Variants in RBBP4 observed in about 807,000 individuals in gnomAD.
RBBP4 encodes RB binding protein 4, chromatin remodeling factor, also known as histone-binding protein RBBP4.
RBBP4 carries 3 observed loss-of-function variants against 57.2 expected under a neutral mutation model. That is an observed-to-expected ratio of 0.05 (90% CI 0.02 to 0.14). The LOEUF is 0.14. Ranked by LOEUF, RBBP4 falls within the 10% of genes least tolerant of loss-of-function variation. The probability of loss-of-function intolerance (pLI) is 1.00; values close to 1 mark genes in which losing one functional copy is unlikely to be tolerated. For synonymous variants in RBBP4, 151 were observed against 171.5 expected (o/e 0.88, Z 0.93); for missense variants, 107 against 520.6 (o/e 0.21, Z 7.73).
chr1:32,676,552 C>T (rs555832193), intron 11 of RBBP4, among the ~76,000 whole-genome samples: 12 of 147,352 alleles, frequency 8.1e-5, no homozygotes, highest in Admixed American at 2.8e-4. Flanking sequence ...GGAGGAGTTG[C>T]GGTGAGCCAA....
chr1:32,677,746 C>T (rs889352994), intron 11 of RBBP4, among the ~76,000 whole-genome samples: 4 of 151,908 alleles, frequency 2.6e-5, no homozygotes, highest in Non-Finnish European at 5.9e-5. Flanking sequence ...GAAAGGGTAC[C>T]CCACATTTGG....
chr1:32,679,167 T>G (rs1263050875), intron 11 of RBBP4, among the ~76,000 whole-genome samples: 6 of 152,088 alleles, frequency 3.9e-5, no homozygotes, highest in Admixed American at 3.9e-4. Flanking sequence ...CGTAGTGGCA[T>G]GTGCCTGTAA....
In RBBP4 at chr1:32,682,017, T is replaced by C; in HGVS notation, c.*2312T>C. The C allele has an allele frequency of 3.1e-6, 2 of 644,064 alleles. No individual in the cohort carries two copies. The highest frequency in any genetic ancestry group is 4.1e-4 in the Middle Eastern group (1 of 2,414). The allele number at this position is 644,064 out of a possible 1,614,324, so 39.9% of individuals were successfully genotyped here. On this transcript the variant is annotated 3_prime_UTR_variant, in exon 12 of 12. Coordinates refer to ENST00000373493, the MANE Select transcript of RBBP4 (RefSeq NM_005610.3). ...GATGCCTCCTGTTTGTCAAATAGAA[T>C]GAATGGTGATGGTGATGGGAGGGAT...
At chr1:32,664,545 C>T (rs796883021) in intron 3 of RBBP4, among the ~76,000 whole-genome samples, 3 of 152,080 alleles carry the variant, frequency 2.0e-5, no homozygotes, top group African/African-American at 4.8e-5. Context: ...CTCTGCCTCC[C>T]GGGTTCAAGC....
intron 3 of RBBP4, among the ~76,000 whole-genome samples, chr1:32,660,983 T>A (rs938302440): frequency 6.6e-6 from 1 of 150,758 alleles, no homozygotes; most frequent in African/African-American, 2.4e-5. Flanking sequence ...CTGATTTCCA[T>A]TGTATTTTTT....
chr1:32,657,080 A>G (rs1648175543), intron 2 of RBBP4, among the ~76,000 whole-genome samples: 1 of 152,124 alleles, frequency 6.6e-6, no homozygotes, highest in Admixed American at 6.5e-5. Flanking sequence ...GTTCGAGACC[A>G]GCCTGGCCAA....
rs1048082726 is a variant in RBBP4 at position 32,680,690 on chromosome 1, C to T, written c.*985C>T. 2.9e-6 allele frequency: 2 copies of T among 686,382 alleles called. No homozygotes were observed. The highest frequency in any genetic ancestry group is 1.9e-5 in the African/African-American group (1 of 53,344). The allele number at this position is 686,382 out of a possible 1,614,324, so 42.5% of individuals were successfully genotyped here. A position where few individuals can be genotyped will look rare whatever the true frequency, so the allele number is the denominator to read the frequency against. ...TGGGTTTTATTTAGTATAAAACATCCATCAAACACCAGTCTCTGGCTTCTA... is the reference window on the plus strand; with the variant it reads ...TGGGTTTTATTTAGTATAAAACATCTATCAAACACCAGTCTCTGGCTTCTA... On this transcript the variant is annotated 3_prime_UTR_variant, in exon 12 of 12. Coordinates refer to ENST00000373493, the MANE Select transcript of RBBP4 (RefSeq NM_005610.3).
chr1:32,684,318 T>C lies in RBBP4; in HGVS notation c.*4613T>C. 6.2e-7 allele frequency: 1 copy of C among 1,614,208 alleles called. No homozygotes were observed. Among genetic ancestry groups the C allele is most frequent in the Admixed American group, 1.7e-5 (1 of 60,020 alleles). On this transcript the variant is annotated 3_prime_UTR_variant, in exon 12 of 12. Coordinates refer to ENST00000373493, the MANE Select transcript of RBBP4 (RefSeq NM_005610.3). ...TAGCTGTTCCATCTCTTTGTTCTTC[T>C]GTTGCTGGAGTTGCACCCCATTTCT...
At chr1:32,659,934 C>T (rs1013128005) in intron 3 of RBBP4, among the ~76,000 whole-genome samples, 7 of 152,000 alleles carry the variant, frequency 4.6e-5, no homozygotes, top group Admixed American at 2.6e-4. Context: ...AGGGCAGGAC[C>T]GTTTTTTAAT....
At position 32,681,859 on chromosome 1, in the gene RBBP4, C is replaced by A. The variant is rs1649460117; in HGVS notation, c.*2154C>A. ...ATTTGGCCATATATTTCTAAACAGC[C>A]CCTGTAAAGTTGAAAGAAAAAGTTT... On this transcript the variant is annotated 3_prime_UTR_variant, in exon 12 of 12. Coordinates refer to ENST00000373493, the MANE Select transcript of RBBP4 (RefSeq NM_005610.3). 2 of 1,613,834 alleles carry A rather than the reference C, an allele frequency of 1.2e-6. No individual in the cohort carries two copies. Among genetic ancestry groups the A allele is most frequent in the African/African-American group, 1.3e-5 (1 of 74,874 alleles).
At position 32,672,348 on chromosome 1, in the gene RBBP4, C is replaced by A. The variant is rs532812376; in HGVS notation, c.967-102C>A. On this transcript the variant is annotated intron_variant, in intron 8 of 11. Coordinates refer to ENST00000373493, the MANE Select transcript of RBBP4 (RefSeq NM_005610.3). ...GTGTATAATACCTTGACTTCCTCTT[C>A]CCTTTTATTTACAAAATTTTTAAAT... is the stretch of plus-strand genomic sequence containing the variant. The A allele has an allele frequency of 4.8e-4, 441 of 912,152 alleles. 12 individuals are homozygous for A. In the South Asian group the frequency reaches 7.6e-3, roughly 16 times the overall value. The allele number at this position is 912,152 out of a possible 1,614,324, so 56.5% of individuals were successfully genotyped here.
Position 32,651,287 on chromosome 1 carries a change from C to T in RBBP4, c.-20C>T, listed in dbSNP as rs1208810957. 6.1e-6 allele frequency: 9 copies of T among 1,484,852 alleles called. No individual in the cohort carries two copies. The highest frequency in any genetic ancestry group is 2.8e-5 in the East Asian group (1 of 35,990). 92.0% of individuals were successfully genotyped at this position (1,484,852 alleles called of 1,614,324 possible). The stretch of plus-strand genomic sequence containing the variant: ...CCCGCAACGCTCGACCCCAGGATTC[C>T]CCCGGCTCGCCTGCCCGCCATGGCC... On this transcript the variant is annotated 5_prime_UTR_variant, in exon 1 of 12. Transcript: ENST00000373493.
Position 32,669,508 on chromosome 1 carries a change from G to C in RBBP4, c.911G>C (p.Arg304Thr). ...TAGACTGTTGCCTTGTGGGATCTGA[G>C]AAATCTGAAACTTAAGTTGCATTCC... ...ADKTVALWDL[R>T]NLKLKLHSFE... Residue 304 changes from arginine (R) to threonine (T), a missense_variant, in exon 8 of 12, where the codon AGA (arginine) becomes ACA (threonine). By Grantham distance (71) the Arg-to-Thr change is moderately conservative. Around this residue, in one of 3 missense-constraint regions of RBBP4, gnomAD observed 92 missense variants for 408.5 expected, o/e 0.23. Coordinates refer to ENST00000373493, the MANE Select transcript of RBBP4 (RefSeq NM_005610.3). This position sits in a 1 kb window ranked among gnomAD's most constrained non-coding sequence, Gnocchi z 4.9. 1 of 1,607,792 alleles carries C rather than the reference G, an allele frequency of 6.2e-7. No homozygotes were observed. Among genetic ancestry groups the C allele is most frequent in the Non-Finnish European group, 8.5e-7 (1 of 1,178,556 alleles).
intron 3 of RBBP4, among the ~76,000 whole-genome samples, chr1:32,667,295 A>T (rs1411049480): frequency 3.9e-5 from 6 of 152,218 alleles, no homozygotes; most frequent in Non-Finnish European, 8.8e-5. Flanking sequence ...AAAGTCTTAA[A>T]GTCTTTGATC....
chr1:32,672,332 A>G (rs376501675), intron 8 of RBBP4, 118 bp from the exon 9 acceptor site: 3 of 810,750 alleles, frequency 3.7e-6, no homozygotes, highest in East Asian at 2.7e-5. Context: ...CGTGTATAAT[A>G]CCTTGACTTC....
intron 1 of RBBP4, 164 bp from the exon 2 acceptor site, chr1:32,651,750 T>G: frequency 3.4e-6 from 3 of 895,414 alleles, no homozygotes; most frequent in East Asian, 2.7e-5. Context: ...GCCCGAGGAG[T>G]TTCGGCGCCG....
chr1:32,652,320 G>A (rs776351806), intron 2 of RBBP4: 3 of 379,892 alleles, frequency 7.9e-6, no homozygotes, highest in South Asian at 4.0e-5. Context: ...TAATAATAGT[G>A]GCTGTACCAA....
intron 11 of RBBP4, among the ~76,000 whole-genome samples, chr1:32,677,690 A>G (rs947468559): frequency 1.1e-5 from 1 of 93,688 alleles, no homozygotes; most frequent in African/African-American, 4.0e-5. Flanking sequence ...CTAACTTCAG[A>G]TAGTGTCAGA....
intron 2 of RBBP4, among the ~76,000 whole-genome samples, chr1:32,656,459 TCTC>T (rs959679592): frequency 1.8e-4 from 27 of 152,274 alleles, no homozygotes; most frequent in Non-Finnish European, 3.5e-4. Flanking sequence ...TTCAAGCAGT[TCTC>T]CTGTCGCAGC....
Sources: allele counts gnomAD v4.1 joint callset (sites outside exome capture counted in the v4.1 genomes callset), GRCh38; gene constraint gnomAD v4.1.1; regional missense constraint gnomAD v4.1.1; non-coding constraint Gnocchi (gnomAD v3.1); transcripts MANE v1.5; gene names NCBI Gene and HGNC (gene_info 2026-07-23, HGNC 2026-07-21).